Variants in ZBTB7C observed in about 807,000 individuals in gnomAD.
ZBTB7C encodes zinc finger and BTB domain containing 7C, also known as zinc finger and BTB domain-containing protein 7C.
A neutral mutation model predicts 25.7 loss-of-function variants in ZBTB7C; 8 were observed. The observed-to-expected ratio is 0.31, with a 90% CI of 0.18 to 0.56. The LOEUF (loss-of-function observed/expected upper bound fraction) is 0.56, where lower values mean the gene tolerates loss of function less well. ZBTB7C is among the 20% of genes least tolerant of loss of function. ZBTB7C has a pLI of 0.91. For missense variants in ZBTB7C, 824 were observed against 855.2 expected, an observed-to-expected ratio of 0.96 and a Z score of 0.46; for synonymous variants, 394 against 369.0, an observed-to-expected ratio of 1.07 and a Z score of -0.78.
intron 3 of ZBTB7C, among the ~76,000 whole-genome samples, chr18:48,108,398 G>A (rs1001057935): frequency 3.3e-5 from 5 of 152,122 alleles, no homozygotes; most frequent in African/African-American, 4.8e-5. Flanking sequence ...AGAACCAACC[G>A]CCAGACAAAC....
rs184638589 is a variant in ZBTB7C at position 48,342,170 on chromosome 18, G to A, written c.-303-3772C>T. Among the ~76,000 whole-genome samples the A allele has an allele frequency of 3.3e-5, 5 of 152,318 alleles. No individual in the cohort carries two copies. In the South Asian group the frequency reaches 8.3e-4, roughly 25 times the overall value. On this transcript the variant is annotated intron_variant, in intron 1 of 4. Coordinates refer to ENST00000590800, the MANE Select transcript of ZBTB7C (RefSeq NM_001318841.2). ...GCTTGCCCCCTCCCAGTGCCCAGGA[G>A]CACAGGTTCCCATGCCAGCTCATCT... is the stretch of plus-strand genomic sequence containing the variant.
chr18:48,329,832 G>A (rs2046304819), intron 2 of ZBTB7C, among the ~76,000 whole-genome samples: 1 of 152,148 alleles, frequency 6.6e-6, no homozygotes, highest in South Asian at 2.1e-4. Flanking sequence ...AGAGTAGGGA[G>A]GGACAAAAAC....
intron 3 of ZBTB7C, among the ~76,000 whole-genome samples, chr18:48,108,404 C>A (rs535532880): frequency 1.3e-5 from 2 of 152,282 alleles, no homozygotes; most frequent in East Asian, 1.9e-4. Context: ...AACCGCCAGA[C>A]AAACACCCTG....
At chr18:48,363,601 C>A (rs969739548) in intron 1 of ZBTB7C, among the ~76,000 whole-genome samples, 1 of 152,130 alleles carries the variant, frequency 6.6e-6, no homozygotes, top group Admixed American at 6.5e-5. Context: ...AAAATGAATC[C>A]TGTGACTGAG....
intron 2 of ZBTB7C, among the ~76,000 whole-genome samples, chr18:48,197,403 A>C (rs754916805): frequency 6.6e-6 from 1 of 152,264 alleles, no homozygotes; most frequent in Non-Finnish European, 1.5e-5. Context: ...GAAAAATAGC[A>C]GCCCCTGCTC....
intron 3 of ZBTB7C, among the ~76,000 whole-genome samples, chr18:48,090,446 T>C (rs1181597234): frequency 6.6e-6 from 1 of 152,216 alleles, no homozygotes; most frequent in Non-Finnish European, 1.5e-5. Flanking sequence ...GAACAATTGC[T>C]GTCTGCAGGC....
intron 2 of ZBTB7C, among the ~76,000 whole-genome samples, chr18:48,292,014 A>G (rs1352398031): frequency 1.3e-5 from 2 of 152,048 alleles, no homozygotes; most frequent in Non-Finnish European, 2.9e-5. Flanking sequence ...CCTGGCCAAC[A>G]TGGTGAAACC....
intron 2 of ZBTB7C, among the ~76,000 whole-genome samples, chr18:48,238,296 G>C (rs971736279): frequency 6.6e-6 from 1 of 152,240 alleles, no homozygotes; most frequent in Non-Finnish European, 1.5e-5. Context: ...CTGACTTGCA[G>C]CTCCCACTCG....
intron 4 of ZBTB7C, among the ~76,000 whole-genome samples, 189 bp from the exon 5 acceptor site, chr18:48,030,100 G>T: frequency 6.6e-6 from 1 of 152,084 alleles, no homozygotes; most frequent in South Asian, 2.1e-4. Context: ...TACTCACCTG[G>T]ATTAAAGGGA....
intron 2 of ZBTB7C, among the ~76,000 whole-genome samples, chr18:48,225,371 G>C (rs2043062529): frequency 6.6e-6 from 1 of 151,952 alleles, no homozygotes; most frequent in African/African-American, 2.4e-5. Flanking sequence ...AAAGGGAGAG[G>C]AAGAGGAAAG....
At chr18:48,277,842 T>A (rs2044711742) in intron 2 of ZBTB7C, among the ~76,000 whole-genome samples, 1 of 152,044 alleles carries the variant, frequency 6.6e-6, no homozygotes. Flanking sequence ...ATGAGCTTTT[T>A]TTTTTTTAAA....
At chr18:48,297,138 C>T (rs970649168) in intron 2 of ZBTB7C, among the ~76,000 whole-genome samples, 1 of 152,168 alleles carries the variant, frequency 6.6e-6, no homozygotes, top group Admixed American at 6.5e-5. Flanking sequence ...CACATATGCC[C>T]GCATGTTCTA....
intron 3 of ZBTB7C, among the ~76,000 whole-genome samples, chr18:48,065,776 G>A (rs1232724692): frequency 6.6e-6 from 1 of 152,156 alleles, no homozygotes; most frequent in Admixed American, 6.5e-5. Context: ...GCATCCCAGG[G>A]CCTCCTCTAC....
At chr18:48,309,748 C>G (rs1477686701) in intron 2 of ZBTB7C, among the ~76,000 whole-genome samples, 2 of 152,140 alleles carry the variant, frequency 1.3e-5, no homozygotes, top group African/African-American at 4.8e-5. Context: ...AAAAAATGTA[C>G]TACATTATCT....
intron 2 of ZBTB7C, among the ~76,000 whole-genome samples, chr18:48,325,158 G>A (rs1470928485): frequency 1.3e-5 from 2 of 152,176 alleles, no homozygotes; most frequent in Admixed American, 6.5e-5. Context: ...TTTCTAAGAT[G>A]AAACTCACTT....
At chr18:48,384,493 G>A (rs2047702258) in intron 1 of ZBTB7C, among the ~76,000 whole-genome samples, 3 of 152,160 alleles carry the variant, frequency 2.0e-5, no homozygotes, top group Admixed American at 6.5e-5. Flanking sequence ...GAGACTGAAG[G>A]GTGTGGTTAG....
At chr18:48,339,310 G>T (rs1043885902) in intron 1 of ZBTB7C, among the ~76,000 whole-genome samples, 20 of 152,236 alleles carry the variant, frequency 1.3e-4, no homozygotes, top group South Asian at 6.2e-4. Context: ...GTGGGCCATT[G>T]CTGAGAAGAG....
At chr18:48,273,888 A>G (rs762362553) in intron 2 of ZBTB7C, among the ~76,000 whole-genome samples, 3 of 152,208 alleles carry the variant, frequency 2.0e-5, no homozygotes, top group Non-Finnish European at 2.9e-5. Context: ...CCTTTTTAAA[A>G]AAAACAATAA....
rs772063271 is a variant in ZBTB7C at position 48,113,806 on chromosome 18, C to T, written c.-17+72128G>A. 7.2e-5 allele frequency among the ~76,000 whole-genome samples: 11 copies of T among 152,242 alleles called. 1 individual carries two copies. The highest frequency in any genetic ancestry group is 5.9e-4 in the Admixed American group (9 of 15,284). ...CTGCTTGCTCTCTGTGCGAGGCGTA[C>T]GCCTGTCCCACCATCGGCAGGGTGC... On this transcript the variant is annotated intron_variant, in intron 3 of 4. Transcript: ENST00000590800.
Sources: gnomAD v4.1 joint callset for allele counts (sites outside exome capture counted in the v4.1 genomes callset) on GRCh38, gnomAD v4.1.1 for gene constraint, MANE v1.5 for transcripts, NCBI Gene and HGNC (gene_info 2026-07-23, HGNC 2026-07-21) for gene names.